Variants in RPUSD4 observed in about 807,000 individuals in gnomAD.
The protein encoded by RPUSD4 is RNA pseudouridine synthase D4, also known as pseudouridylate synthase RPUSD4, mitochondrial.
Under a neutral mutation model 35.4 loss-of-function variants are expected in RPUSD4, and 37 were observed. The ratio of observed to expected loss-of-function variants is 1.04; its 90% CI spans 0.80 to 1.37. The LOEUF (loss-of-function observed/expected upper bound fraction) is 1.37, where lower values mean the gene tolerates loss of function less well. RPUSD4 is among the 40% of genes most tolerant of loss of function. The pLI, the probability that RPUSD4 is intolerant of heterozygous loss-of-function variation, is 0.00. For synonymous variants in RPUSD4, 210 were observed against 192.7 expected, an observed-to-expected ratio of 1.09 and a Z score of -0.74; for missense variants, 507 against 484.9, an observed-to-expected ratio of 1.05 and a Z score of -0.43.
intron 3 of RPUSD4, 108 bp downstream of exon 3, chr11:126,209,413 C>A: frequency 1.1e-6 from 1 of 886,956 alleles, no homozygotes; most frequent in South Asian, 1.6e-5. Flanking sequence ...TCTCGCAGGT[C>A]ATAGTGCAGT....
chr11:126,211,076 GTGGGGAATGCC>G lies in RPUSD4; in HGVS notation c.190-32_190-22del, dbSNP rs1265084649. 3.7e-6 allele frequency: 6 copies of G among 1,610,814 alleles called. No individual in the cohort carries two copies. The Admixed American group carries it at 6.7e-5, about 18-fold the overall frequency. On this transcript the variant is annotated intron_variant, in intron 1 of 6. Coordinates refer to ENST00000298317, the MANE Select transcript of RPUSD4 (RefSeq NM_032795.3). ...GACACCTAGGGAGAAAGAAGGAGCC[GTGGGGAATGCC>G]TGGTGCGGAAGCCGTGGAGAAGACC... is the stretch of plus-strand genomic sequence containing the variant.
At position 126,203,382 on chromosome 11, in the gene RPUSD4, A is replaced by C; in HGVS notation, c.*36T>G. ...GTGCCAGGATGCTCTCAGGGTCTTC[A>C]CTGTGCTCCCAGGTGCCAGGGTGCT... is the stretch of plus-strand genomic sequence containing the variant. On this transcript the variant is annotated 3_prime_UTR_variant, in exon 7 of 7. Coordinates refer to ENST00000298317, the MANE Select transcript of RPUSD4 (RefSeq NM_032795.3). 6.3e-7 allele frequency: 1 copy of C among 1,598,488 alleles called. No homozygotes were observed. The highest frequency in any genetic ancestry group is 8.5e-7 in the Non-Finnish European group (1 of 1,177,092).
chr11:126,210,490 G>T (rs150334117), intron 2 of RPUSD4, among the ~76,000 whole-genome samples: 1 of 144,322 alleles, frequency 6.9e-6, no homozygotes, highest in East Asian at 2.0e-4. Flanking sequence ...GTCACTCTGG[G>T]GTTGTATGTT....
chr11:126,206,588 A>G (rs1315332063), intron 3 of RPUSD4: 2 of 152,196 alleles, frequency 1.3e-5, no homozygotes, highest in Non-Finnish European at 2.9e-5. Flanking sequence ...TAGGTACCAC[A>G]ACCACAACTC....
At chr11:126,211,084 TGC>T in intron 1 of RPUSD4, 29 bp from the exon 2 acceptor site, 1 of 1,585,262 alleles carries the variant, frequency 6.3e-7, no homozygotes, top group African/African-American at 1.9e-5. Context: ...CCGTGGGGAA[TGC>T]CTGGTGCGGA....
chr11:126,208,906 G>A (rs1269709111), intron 3 of RPUSD4: 3 of 152,172 alleles, frequency 2.0e-5, no homozygotes, highest in Admixed American at 6.5e-5. Flanking sequence ...CAGAATGGGT[G>A]GATTCTCCAG....
rs576494750 is a variant in RPUSD4 at position 126,202,462 on chromosome 11, C to T, written c.*956G>A. On this transcript the variant is annotated 3_prime_UTR_variant, in exon 7 of 7. Coordinates refer to ENST00000298317, the MANE Select transcript of RPUSD4 (RefSeq NM_032795.3). Reference sequence around the variant, plus strand: ...CACTCTCATAACTACATTCACGGACCAACCAAAGCCATCTCCAAGCCTAGA... The same window carrying T: ...CACTCTCATAACTACATTCACGGACTAACCAAAGCCATCTCCAAGCCTAGA... The T allele has an allele frequency of 2.0e-5, 3 of 152,300 alleles. No homozygotes were observed. The East Asian group carries it at 5.8e-4, about 29-fold the overall frequency. 9.4% of individuals were successfully genotyped at this position (152,300 alleles called of 1,614,324 possible).
Position 126,211,482 on chromosome 11 carries a change from G to A in RPUSD4, c.157C>T (p.Gln53Ter), listed in dbSNP as rs559751972. The change falls in exon 1 of 7, where the codon CAG (glutamine) becomes TAG (stop). Residue 53 changes from glutamine to a stop codon, truncating the protein, a stop_gained. Transcript: ENST00000298317. LOFTEE classifies it high-confidence loss of function. ...AQRLAEKLRA[Q>*]KREQDTKKEP... ...TTCTTTGTGTCTTGTTCCCGTTTCT[G>A]GGCTCGGAGCTTCTCCGCTAATCTC... The A allele has an allele frequency of 1.1e-5, 18 of 1,614,038 alleles. No individual in the cohort carries two copies. Among genetic ancestry groups the A allele is most frequent in the Non-Finnish European group, 1.4e-5 (17 of 1,179,968 alleles).
In RPUSD4 at chr11:126,205,629, C is replaced by CATCTGAAGCCA; in HGVS notation, c.652-18_652-17insTGGCTTCAGAT. The CATCTGAAGCCA allele has an allele frequency of 1.9e-6, 3 of 1,614,002 alleles. No homozygotes were observed. The South Asian group carries it at 3.3e-5, about 18-fold the overall frequency. On this transcript the variant is annotated splice_polypyrimidine_tract_variant and intron_variant, in intron 4 of 6. Coordinates refer to ENST00000298317, the MANE Select transcript of RPUSD4 (RefSeq NM_032795.3). ...CAATGTCATCTGAAGCCAAAGAAAT[C>CATCTGAAGCCA]AAGATATGATTCCCAAGGAAGAGCA...
Position 126,203,296 on chromosome 11 carries a change from G to A in RPUSD4, c.*122C>T, listed in dbSNP as rs1355294714. On this transcript the variant is annotated 3_prime_UTR_variant, in exon 7 of 7. Transcript: ENST00000298317. ...CTGGCTCTTACGCAGTCTGTTCCAA[G>A]TGAGAAGTTAGCAGAGTCCTGTAAA... 1.4e-6 allele frequency: 2 copies of A among 1,439,348 alleles called. No individual in the cohort carries two copies. Among genetic ancestry groups the A allele is most frequent in the East Asian group, 4.6e-5 (2 of 43,672 alleles). The allele number at this position is 1,439,348 out of a possible 1,614,324, so 89.2% of individuals were successfully genotyped here.
At chr11:126,207,877 AT>A (rs199662897) in intron 3 of RPUSD4, among the ~76,000 whole-genome samples, 44 of 151,868 alleles carry the variant, frequency 2.9e-4, no homozygotes, top group South Asian at 4.2e-4. Context: ...ATAAAAAAAA[AT>A]AATAATAATA....
intron 2 of RPUSD4, among the ~76,000 whole-genome samples, chr11:126,209,971 T>C (rs1021563204): frequency 2.6e-5 from 4 of 152,212 alleles, no homozygotes; most frequent in Admixed American, 2.6e-4. Context: ...CAGAAGCATA[T>C]TAAAGTTTGA....
Position 126,205,618 on chromosome 11 carries a change from G to C in RPUSD4, c.652-6C>G, listed in dbSNP as rs777150249. ...TAGCTCGGGGACAATGTCATCTGAA[G>C]CCAAAGAAATCAAGATATGATTCCC... On this transcript the variant is annotated splice_region_variant and splice_polypyrimidine_tract_variant and intron_variant, in intron 4 of 6. Transcript: ENST00000298317. 6.2e-7 allele frequency: 1 copy of C among 1,614,188 alleles called. No individual in the cohort carries two copies.
intron 6 of RPUSD4, 87 bp downstream of exon 6, chr11:126,204,144 T>G (rs1949742988): frequency 2.2e-6 from 2 of 920,692 alleles, no homozygotes; most frequent in Admixed American, 4.2e-5. Flanking sequence ...TCAGTAGGCT[T>G]TGTTGTAACT....
chr11:126,202,396 A>C lies in RPUSD4; in HGVS notation c.*1022T>G, dbSNP rs1565315079. On this transcript the variant is annotated 3_prime_UTR_variant, in exon 7 of 7. Transcript: ENST00000298317. ...CCTTCCTGAGACCTAAGAACAGAAG[A>C]TACGCTTCCACAACAGAGATTTTTG... is the stretch of plus-strand genomic sequence containing the variant. The C allele has an allele frequency of 1.3e-5, 2 of 152,236 alleles. No individual in the cohort carries two copies. Among genetic ancestry groups the C allele is most frequent in the African/African-American group, 2.4e-5 (1 of 41,454 alleles). The allele number at this position is 152,236 out of a possible 1,614,324, so 9.4% of individuals were successfully genotyped here. A position where few individuals can be genotyped will look rare whatever the true frequency, so the allele number is the denominator to read the frequency against.
intron 3 of RPUSD4, chr11:126,208,532 C>G (rs956812314): frequency 6.6e-6 from 1 of 152,220 alleles, no homozygotes; most frequent in Non-Finnish European, 1.5e-5. Flanking sequence ...TTTTTGCTCA[C>G]GCATCTTTTT....
chr11:126,207,710 C>A (rs893471233), intron 3 of RPUSD4, among the ~76,000 whole-genome samples: 1 of 152,030 alleles, frequency 6.6e-6, no homozygotes, highest in African/African-American at 2.4e-5. Context: ...ATTAGCTGGG[C>A]ATGGTGGCAT....
At chr11:126,210,749 C>T in intron 2 of RPUSD4, 141 bp downstream of exon 2, 1 of 746,318 alleles carries the variant, frequency 1.3e-6, no homozygotes. Context: ...TCGGTGGTTC[C>T]TTATATTGGA....
Position 126,205,355 on chromosome 11 carries a change from A to C in RPUSD4, c.796+113T>G. ...GTCCCCGGCCTCAGATCAGCACCAG[A>C]AGCACATTCTCACACAAGTCAGCCA... On this transcript the variant is annotated intron_variant, in intron 5 of 6. Coordinates refer to ENST00000298317, the MANE Select transcript of RPUSD4 (RefSeq NM_032795.3). The C allele has an allele frequency of 3.7e-6, 5 of 1,334,556 alleles. No homozygotes were observed. The South Asian group carries it at 4.1e-5, about 11-fold the overall frequency. The allele number at this position is 1,334,556 out of a possible 1,614,324, so 82.7% of individuals were successfully genotyped here.
Sources: gnomAD v4.1 joint callset for allele counts (sites outside exome capture counted in the v4.1 genomes callset) on GRCh38, gnomAD v4.1.1 for gene constraint, MANE v1.5 for transcripts, NCBI Gene and HGNC (gene_info 2026-07-23, HGNC 2026-07-21) for gene names.